OPHN1: variants seen among roughly 807,000 people sequenced by gnomAD.
OPHN1 encodes oligophrenin 1.
A neutral mutation model predicts 60.7 loss-of-function variants in OPHN1; 11 were observed. The ratio of observed to expected loss-of-function variants is 0.18; its 90% CI spans 0.11 to 0.30. The LOEUF is 0.30. Among genes scored for constraint, OPHN1 ranks in the 10% least tolerant of loss-of-function variants. OPHN1 has a pLI of 1.00. For synonymous variants in OPHN1, 226 were observed against 222.6 expected (o/e 1.02, Z -0.14); for missense variants, 449 against 611.0 (o/e 0.73, Z 2.80).
intron 2 of OPHN1, among the ~76,000 whole-genome samples, chrX:68,329,832 A>G (rs2078285790): frequency 8.9e-6 from 1 of 112,200 alleles, no homozygotes; most frequent in Non-Finnish European, 1.9e-5. Context: ...GCAATTAGCT[A>G]ACATATGGCC....
At chrX:68,397,529 T>A (rs865998477) in intron 2 of OPHN1, among the ~76,000 whole-genome samples, 3,269 of 96,085 alleles carry the variant, frequency 0.034, 62 homozygotes, top group African/African-American at 0.038. Context: ...TATTTATTTT[T>A]TTTTTTTTTT....
chrX:68,123,939 C>T (rs1418930216), intron 15 of OPHN1, among the ~76,000 whole-genome samples: 1 of 50,054 alleles, frequency 2.0e-5, no homozygotes, highest in African/African-American at 7.5e-5. Context: ...AAAAGACATA[C>T]AGTAGCTGAA....
chrX:68,249,499 T>C (rs1484229058), intron 5 of OPHN1, among the ~76,000 whole-genome samples: 1 of 111,683 alleles, frequency 9.0e-6, no homozygotes, highest in East Asian at 2.8e-4. Flanking sequence ...TAAGCATCTG[T>C]CCTAGCCAGA....
intron 6 of OPHN1, among the ~76,000 whole-genome samples, chrX:68,224,903 T>A (rs2077682251): frequency 8.9e-6 from 1 of 111,924 alleles, no homozygotes; most frequent in Non-Finnish European, 1.9e-5. Flanking sequence ...CCACAGAGTG[T>A]CAGCCGAAGC....
intron 2 of OPHN1, among the ~76,000 whole-genome samples, chrX:68,393,929 T>G (rs1280401493): frequency 1.2e-5 from 1 of 80,789 alleles, no homozygotes. Flanking sequence ...GGAGTCTCGC[T>G]CTGTTGCCCA....
chrX:68,248,639 C>T (rs752162396), intron 5 of OPHN1, among the ~76,000 whole-genome samples: 24 of 112,366 alleles, frequency 2.1e-4, no homozygotes, highest in Non-Finnish European at 4.1e-4. Flanking sequence ...GATATCTGTA[C>T]TCCAATGTTT....
chrX:68,093,170 C>A (rs1602150622), intron 19 of OPHN1, among the ~76,000 whole-genome samples: 1 of 111,103 alleles, frequency 9.0e-6, no homozygotes, highest in Non-Finnish European at 1.9e-5. Context: ...ACTTCAGGTA[C>A]CCATTTGCAA....
chrX:68,382,179 C>T (rs745576559), intron 2 of OPHN1, among the ~76,000 whole-genome samples: 194 of 110,113 alleles, frequency 1.8e-3, no homozygotes, highest in Non-Finnish European at 2.7e-3. Context: ...GAAACTCCGT[C>T]TCTACTAAAA....
At position 68,316,473 on chromosome X, in the gene OPHN1, T is replaced by C. The variant is rs181330331; in HGVS notation, c.155-17377A>G. On this transcript the variant is annotated intron_variant, in intron 2 of 24. Transcript: ENST00000355520. ...ACTTGGTGGTTTAAAACAATACAAATGTATTGTCTTACAGTTCTTGAAGTC... is the reference window on the plus strand; with the variant it reads ...ACTTGGTGGTTTAAAACAATACAAACGTATTGTCTTACAGTTCTTGAAGTC... Among the ~76,000 whole-genome samples the C allele has an allele frequency of 4.8e-3, 535 of 112,185 alleles. 2 individuals are homozygous for C. The highest frequency in any genetic ancestry group is 7.6e-3 in the Non-Finnish European group (403 of 53,272).
intron 6 of OPHN1, among the ~76,000 whole-genome samples, chrX:68,215,019 T>C (rs752244515): frequency 2.7e-5 from 3 of 110,390 alleles, no homozygotes; most frequent in East Asian, 2.8e-4. Flanking sequence ...AAAAGAAACA[T>C]AAAACTAAAT....
At chrX:68,207,956 T>C (rs2077566935) in intron 9 of OPHN1, among the ~76,000 whole-genome samples, 2 of 111,609 alleles carry the variant, frequency 1.8e-5, no homozygotes, top group East Asian at 2.8e-4. Context: ...ACTCATGCAG[T>C]GGTATATACC....
At chrX:68,292,183 A>G (rs1052550721) in intron 3 of OPHN1, among the ~76,000 whole-genome samples, 4 of 111,591 alleles carry the variant, frequency 3.6e-5, no homozygotes, top group African/African-American at 1.3e-4. Context: ...GATTACAGGT[A>G]TGCATCGCTG....
At chrX:68,216,636 T>C (rs1382175410) in intron 6 of OPHN1, among the ~76,000 whole-genome samples, 4 of 110,758 alleles carry the variant, frequency 3.6e-5, no homozygotes, top group Non-Finnish European at 7.6e-5. Context: ...AATAAATAAA[T>C]GAGACTTAAT....
chrX:68,303,236 T>C (rs1374113543), intron 2 of OPHN1, among the ~76,000 whole-genome samples: 1 of 112,217 alleles, frequency 8.9e-6, no homozygotes, highest in Non-Finnish European at 1.9e-5. Context: ...TTATCTGGAA[T>C]CACAAAAGAC....
chrX:68,352,282 C>A (rs2078417285), intron 2 of OPHN1, among the ~76,000 whole-genome samples: 1 of 108,926 alleles, frequency 9.2e-6, no homozygotes, highest in African/African-American at 3.3e-5. Context: ...ATAAAATTTT[C>A]CCTGTTCAGA....
intron 20 of OPHN1, among the ~76,000 whole-genome samples, chrX:68,068,550 G>A (rs1439610306): frequency 7.8e-5 from 8 of 103,078 alleles, no homozygotes; most frequent in Non-Finnish European, 1.4e-4. Flanking sequence ...AATATAGACC[G>A]ACCATATAAC....
intron 2 of OPHN1, among the ~76,000 whole-genome samples, chrX:68,348,829 G>C (rs2078391617): frequency 9.0e-6 from 1 of 111,705 alleles, no homozygotes; most frequent in African/African-American, 3.3e-5. Context: ...ACACAGGTGA[G>C]AATGGAGGAG....
At chrX:68,186,806 G>C (rs2077464639) in intron 15 of OPHN1, among the ~76,000 whole-genome samples, 1 of 111,097 alleles carries the variant, frequency 9.0e-6, no homozygotes, top group Non-Finnish European at 1.9e-5. Context: ...CTAGCCCTCT[G>C]GCACCTTCTT....
chrX:68,426,887 CAA>C (rs1253084798), intron 2 of OPHN1, among the ~76,000 whole-genome samples: 12 of 23,605 alleles, frequency 5.1e-4, no homozygotes, highest in South Asian at 2.9e-3. Flanking sequence ...TCTCTTAAAA[CAA>C]ACAAAAAAAA....
Sources: allele counts gnomAD v4.1 joint callset (sites outside exome capture counted in the v4.1 genomes callset), GRCh38; gene constraint gnomAD v4.1.1; transcripts MANE v1.5; gene names NCBI Gene and HGNC (gene_info 2026-07-23, HGNC 2026-07-21).